Variants in ZNF143 observed in about 807,000 individuals in gnomAD.
ZNF143 encodes zinc finger protein 143.
A neutral mutation model predicts 74.1 loss-of-function variants in ZNF143; 49 were observed. The observed-to-expected ratio is 0.66, with a 90% CI of 0.53 to 0.84. The LOEUF (loss-of-function observed/expected upper bound fraction) is 0.84, where lower values mean the gene tolerates loss of function less well. Among genes scored for constraint, ZNF143 ranks in the 40% least tolerant of loss-of-function variants. The pLI is 0.00. For missense variants in ZNF143, 637 were observed against 793.4 expected, an observed-to-expected ratio of 0.80 and a Z score of 2.37; for synonymous variants, 304 against 282.8, an observed-to-expected ratio of 1.07 and a Z score of -0.75.
chr11:9,477,166 CCTT>C lies in ZNF143; in HGVS notation c.374-1222_374-1220del, dbSNP rs1176123937. Among the ~76,000 whole-genome samples, 76 of 140,004 alleles carry C rather than the reference CCTT, an allele frequency of 5.4e-4. 1 individual carries two copies. The highest frequency in any genetic ancestry group is 1.1e-3 in the African/African-American group (39 of 35,364). 91.8% of individuals were successfully genotyped at this position (140,004 alleles called of 152,430 possible). On this transcript the variant is annotated intron_variant, in intron 5 of 15. Coordinates refer to ENST00000396602, the MANE Select transcript of ZNF143 (RefSeq NM_003442.6). ...TCCTTCCTTCCTTCCTTCCTTCCTT[CCTT>C]CCTCCTCTCCCTTCCCTCCTTTCCC... is the stretch of plus-strand genomic sequence containing the variant.
intron 7 of ZNF143, among the ~76,000 whole-genome samples, chr11:9,481,607 G>T (rs1453905405): frequency 6.6e-6 from 1 of 152,012 alleles, no homozygotes; most frequent in Admixed American, 6.6e-5. Flanking sequence ...GCAGTTGTAG[G>T]CTGGGTCCAG....
At chr11:9,511,750 C>CTTTTTT (rs1254769544) in intron 12 of ZNF143, among the ~76,000 whole-genome samples, 1 of 120,188 alleles carries the variant, frequency 8.3e-6, no homozygotes, top group Non-Finnish European at 1.8e-5. Context: ...CCTTTAACAG[C>CTTTTTT]TTTTTTTTTT....
At chr11:9,471,551 G>GTTTTTT in intron 2 of ZNF143, 131 bp downstream of exon 2, 2 of 499,374 alleles carry the variant, frequency 4.0e-6, no homozygotes, top group Non-Finnish European at 6.5e-6. Flanking sequence ...AGGTGTTTTG[G>GTTTTTT]TGTTTTTTTT....
chr11:9,518,118 T>A (rs1024835792), intron 14 of ZNF143, among the ~76,000 whole-genome samples: 1 of 152,200 alleles, frequency 6.6e-6, no homozygotes, highest in African/African-American at 2.4e-5. Context: ...ATCATTCCGT[T>A]GCTCATTGAA....
intron 1 of ZNF143, among the ~76,000 whole-genome samples, chr11:9,468,017 A>G (rs538226155): frequency 6.6e-6 from 1 of 152,266 alleles, no homozygotes; most frequent in Non-Finnish European, 1.5e-5. Context: ...CTGGCATTGT[A>G]ATTTTGAAAT....
chr11:9,471,758 G>A (rs572215465), intron 2 of ZNF143, among the ~76,000 whole-genome samples: 12 of 151,912 alleles, frequency 7.9e-5, no homozygotes, highest in African/African-American at 2.9e-4. Context: ...CACCACGTTG[G>A]CCAGGCTGGT....
chr11:9,474,326 C>G (rs1856758221), intron 4 of ZNF143, among the ~76,000 whole-genome samples: 1 of 152,000 alleles, frequency 6.6e-6, no homozygotes, highest in Non-Finnish European at 1.5e-5. Flanking sequence ...TCTTTCAACT[C>G]TCTTTAATAC....
At chr11:9,472,558 T>A in intron 2 of ZNF143, 119 bp from the exon 3 acceptor site, 3 of 863,982 alleles carry the variant, frequency 3.5e-6, no homozygotes, top group African/African-American at 1.7e-5. Context: ...GGCCGCTAAA[T>A]CTCATTTTGA....
chr11:9,492,057 G>A (rs1396873814), intron 7 of ZNF143, among the ~76,000 whole-genome samples: 1 of 150,862 alleles, frequency 6.6e-6, no homozygotes, highest in Non-Finnish European at 1.5e-5. Context: ...TGATTCTCCT[G>A]CCTCCCAAGT....
intron 11 of ZNF143, among the ~76,000 whole-genome samples, chr11:9,503,604 T>A (rs1301062273): frequency 6.6e-6 from 1 of 152,164 alleles, no homozygotes; most frequent in African/African-American, 2.4e-5. Flanking sequence ...TCATTCCGAC[T>A]TTTGATTTGC....
intron 7 of ZNF143, among the ~76,000 whole-genome samples, chr11:9,486,402 T>A (rs1485932005): frequency 1.1e-4 from 3 of 26,536 alleles, no homozygotes; most frequent in East Asian, 9.3e-4. Context: ...ATATAATATA[T>A]TATATATATA....
intron 11 of ZNF143, among the ~76,000 whole-genome samples, chr11:9,502,718 C>T (rs909759830): frequency 6.6e-6 from 1 of 152,068 alleles, no homozygotes. Flanking sequence ...AAAAGAAATT[C>T]CATACTCAGA....
At chr11:9,484,204 T>C (rs1847364963) in intron 7 of ZNF143, among the ~76,000 whole-genome samples, 1 of 151,158 alleles carries the variant, frequency 6.6e-6, no homozygotes, top group African/African-American at 2.5e-5. Context: ...TTGTGGTTTT[T>C]GTTTTTTGAG....
intron 7 of ZNF143, among the ~76,000 whole-genome samples, chr11:9,481,741 A>G (rs1847245646): frequency 6.6e-6 from 1 of 151,534 alleles, no homozygotes; most frequent in African/African-American, 2.4e-5. Context: ...TACAAGAATT[A>G]GTTGGGTGTG....
rs869069237 is a variant in ZNF143 at position 9,476,746 on chromosome 11, C to CTTTTTTTTTTTTTTTTT, written c.374-1629_374-1613dup. Among the ~76,000 whole-genome samples the CTTTTTTTTTTTTTTTTT allele has an allele frequency of 5.7e-5, 2 of 34,854 alleles. 1 individual carries two copies. The highest frequency in any genetic ancestry group is 4.8e-3 in the South Asian group (2 of 420). 22.9% of individuals were successfully genotyped at this position (34,854 alleles called of 152,430 possible). Reference sequence around the variant, plus strand: ...TTGTTGTGAAGCCAAAGGGAGGAATCTTTTTTTTTTTTTTTTTTTTTTTTT... The same window carrying CTTTTTTTTTTTTTTTTT: ...TTGTTGTGAAGCCAAAGGGAGGAATCTTTTTTTTTTTTTTTTTTTTTTTTTTTTTTTTTTTTTTTTTT... On this transcript the variant is annotated intron_variant, in intron 5 of 15. Coordinates refer to ENST00000396602, the MANE Select transcript of ZNF143 (RefSeq NM_003442.6).
intron 1 of ZNF143, among the ~76,000 whole-genome samples, chr11:9,467,392 C>A (rs1425296465): frequency 6.6e-6 from 1 of 151,998 alleles, no homozygotes; most frequent in Non-Finnish European, 1.5e-5. Context: ...CGCCACCATA[C>A]CCGGCTGATT....
chr11:9,475,903 A>AATAT (rs1554962054), intron 5 of ZNF143, among the ~76,000 whole-genome samples: 23 of 76,236 alleles, frequency 3.0e-4, no homozygotes, highest in African/African-American at 7.8e-4. Flanking sequence ...GTCTCAAAAA[A>AATAT]ATATATATGT....
chr11:9,505,894 AAAAG>A (rs2134134046), intron 11 of ZNF143, among the ~76,000 whole-genome samples: 1 of 151,848 alleles, frequency 6.6e-6, no homozygotes, highest in African/African-American at 2.4e-5. Flanking sequence ...AAAAAAAAAA[AAAAG>A]GAAAAGACAA....
At chr11:9,462,542 G>A (rs1038818711) in intron 1 of ZNF143, among the ~76,000 whole-genome samples, 24 of 149,470 alleles carry the variant, frequency 1.6e-4, no homozygotes, top group African/African-American at 5.6e-4. Flanking sequence ...CCGTCTGGGT[G>A]ACAGAGACCG....
Sources: gnomAD v4.1 joint callset for allele counts (sites outside exome capture counted in the v4.1 genomes callset) on GRCh38, gnomAD v4.1.1 for gene constraint, MANE v1.5 for transcripts, NCBI Gene and HGNC (gene_info 2026-07-23, HGNC 2026-07-21) for gene names.